Variants in DESI2 observed in about 807,000 individuals in gnomAD.
DESI2 encodes deubiquitinase DESI2.
A neutral mutation model predicts 24.1 loss-of-function variants in DESI2; 10 were observed. The observed-to-expected ratio is 0.41, with a 90% CI of 0.26 to 0.70. DESI2 has a LOEUF of 0.70. Ranked by LOEUF, DESI2 falls within the 30% of genes least tolerant of loss-of-function variation. DESI2 has a pLI of 0.29. For missense variants in DESI2, 122 were observed against 234.9 expected (o/e 0.52, Z 3.14); for synonymous variants, 71 against 87.7 (o/e 0.81, Z 1.06).
At chr1:244,691,058 C>T (rs1162484415) in intron 3 of DESI2, among the ~76,000 whole-genome samples, 2 of 152,184 alleles carry the variant, frequency 1.3e-5, no homozygotes, top group African/African-American at 2.4e-5. Flanking sequence ...TAATGTCTGT[C>T]GCCTTTCCAA....
At chr1:244,704,522 G>A (rs549388891) in intron 4 of DESI2, among the ~76,000 whole-genome samples, 30 of 130,362 alleles carry the variant, frequency 2.3e-4, no homozygotes, top group African/African-American at 4.6e-4. Flanking sequence ...GATCATCAGC[G>A]GGCAGGGATT....
chr1:244,671,049 C>T (rs778670081), intron 1 of DESI2, among the ~76,000 whole-genome samples: 2 of 152,128 alleles, frequency 1.3e-5, no homozygotes, highest in African/African-American at 2.4e-5. Context: ...ATGATATCTT[C>T]GGTACAAATG....
chr1:244,703,815 C>T (rs549244154), intron 4 of DESI2, among the ~76,000 whole-genome samples: 110 of 152,178 alleles, frequency 7.2e-4, no homozygotes, highest in South Asian at 3.5e-3. Context: ...CCCGCCACCA[C>T]GCCTAGCTAA....
intron 4 of DESI2, among the ~76,000 whole-genome samples, chr1:244,696,236 C>T (rs922668454): frequency 1.8e-4 from 28 of 152,202 alleles, no homozygotes; most frequent in African/African-American, 6.3e-4. Flanking sequence ...GTTCAGATTT[C>T]CCCAGTTGTC....
At chr1:244,663,263 G>T (rs994256799) in intron 1 of DESI2, among the ~76,000 whole-genome samples, 1 of 151,524 alleles carries the variant, frequency 6.6e-6, no homozygotes, top group Admixed American at 6.6e-5. Context: ...TGCAAGCTCC[G>T]CCTCCTGGGT....
intron 4 of DESI2, among the ~76,000 whole-genome samples, chr1:244,699,236 G>T (rs964698361): frequency 1.3e-5 from 2 of 152,090 alleles, no homozygotes; most frequent in African/African-American, 4.8e-5. Context: ...GAAAATTCAG[G>T]ATTTAATTCT....
intron 3 of DESI2, among the ~76,000 whole-genome samples, chr1:244,690,697 C>T (rs984087824): frequency 6.7e-6 from 1 of 148,548 alleles, no homozygotes; most frequent in Non-Finnish European, 1.5e-5. Context: ...AAGAGTAAAT[C>T]TCCGTCTCAC....
intron 1 of DESI2, chr1:244,656,418 T>C (rs1394127951): frequency 6.6e-6 from 1 of 152,196 alleles, no homozygotes; most frequent in African/African-American, 2.4e-5. Context: ...CCTCAGAAGG[T>C]TACTTAATTA....
chr1:244,653,150 G>A lies in DESI2; in HGVS notation c.-164G>A, dbSNP rs1024349326. The A allele has an allele frequency of 3.1e-5, 19 of 618,282 alleles. No individual in the cohort carries two copies. The African/African-American group carries it at 3.5e-4, about 11-fold the overall frequency. The allele number at this position is 618,282 out of a possible 1,614,324, so 38.3% of individuals were successfully genotyped here. ...CAGACGCTCCTGTCGGCGGCGCCCG[G>A]GAGCGGCTCGGCTGCCCGATGCTTC... is the stretch of plus-strand genomic sequence containing the variant. On this transcript the variant is annotated 5_prime_UTR_variant, in exon 1 of 5. Coordinates refer to ENST00000302550, the MANE Select transcript of DESI2 (RefSeq NM_016076.5).
chr1:244,701,636 TCTTC>T (rs1677468544), intron 4 of DESI2, among the ~76,000 whole-genome samples: 1 of 152,224 alleles, frequency 6.6e-6, no homozygotes, highest in African/African-American at 2.4e-5. Flanking sequence ...GTAACTCCTT[TCTTC>T]CTTCCATTTT....
At chr1:244,701,212 T>TCCCCCCC (rs1677442100) in intron 4 of DESI2, among the ~76,000 whole-genome samples, 4 of 57,718 alleles carry the variant, frequency 6.9e-5, no homozygotes, top group Non-Finnish European at 5.5e-5. Flanking sequence ...CACCTTCCCC[T>TCCCCCCC]CCACCCCCCC....
At chr1:244,683,235 T>G (rs1676680582) in intron 1 of DESI2, among the ~76,000 whole-genome samples, 3 of 152,236 alleles carry the variant, frequency 2.0e-5, no homozygotes, top group African/African-American at 7.2e-5. Flanking sequence ...GATTCTTTGC[T>G]AAAACCTGAT....
intron 1 of DESI2, among the ~76,000 whole-genome samples, chr1:244,657,724 G>C (rs1009394923): frequency 6.6e-6 from 1 of 152,158 alleles, no homozygotes; most frequent in Non-Finnish European, 1.5e-5. Flanking sequence ...CCCTTGGTTC[G>C]TCCTCTCATA....
At chr1:244,664,775 T>C (rs1172544819) in intron 1 of DESI2, among the ~76,000 whole-genome samples, 1 of 152,256 alleles carries the variant, frequency 6.6e-6, no homozygotes, top group Non-Finnish European at 1.5e-5. Flanking sequence ...TTAAGCTTGG[T>C]AAGTGTATTT....
At chr1:244,699,451 G>A (rs572834074) in intron 4 of DESI2, among the ~76,000 whole-genome samples, 28 of 151,498 alleles carry the variant, frequency 1.8e-4, no homozygotes, top group Admixed American at 3.9e-4. Context: ...GCATGGTGGC[G>A]CGGACCTGTA....
At chr1:244,670,568 T>C (rs1676212298) in intron 1 of DESI2, among the ~76,000 whole-genome samples, 2 of 152,234 alleles carry the variant, frequency 1.3e-5, no homozygotes, top group Non-Finnish European at 2.9e-5. Context: ...TACTAATTTA[T>C]TTATTCTTCA....
chr1:244,671,635 C>G (rs1294966927), intron 1 of DESI2, among the ~76,000 whole-genome samples: 2 of 152,176 alleles, frequency 1.3e-5, no homozygotes, highest in African/African-American at 4.8e-5. Flanking sequence ...CTTTTGGCGT[C>G]TGCTACTATT....
chr1:244,675,949 A>G (rs924740152), intron 1 of DESI2, among the ~76,000 whole-genome samples: 1 of 152,086 alleles, frequency 6.6e-6, no homozygotes, highest in Non-Finnish European at 1.5e-5. Flanking sequence ...TTTTTCAACA[A>G]TGTTTTGTAG....
intron 1 of DESI2, among the ~76,000 whole-genome samples, chr1:244,664,313 G>A (rs1675967254): frequency 6.6e-6 from 1 of 152,152 alleles, no homozygotes; most frequent in Admixed American, 6.5e-5. Context: ...TTCTTGTTTT[G>A]GAAGATTATA....
Sources: gnomAD v4.1 joint callset for allele counts (sites outside exome capture counted in the v4.1 genomes callset) on GRCh38, gnomAD v4.1.1 for gene constraint, MANE v1.5 for transcripts, NCBI Gene and HGNC (gene_info 2026-07-23, HGNC 2026-07-21) for gene names.